Variants in ZC3H7A observed in about 807,000 individuals in gnomAD.
The protein encoded by ZC3H7A is zinc finger CCCH domain-containing protein 7A.
ZC3H7A carries 44 observed loss-of-function variants against 125.5 expected under a neutral mutation model. The ratio of observed to expected loss-of-function variants is 0.35; its 90% CI spans 0.28 to 0.45. The LOEUF is 0.45. Ranked by LOEUF, ZC3H7A falls within the 20% of genes least tolerant of loss-of-function variation. The pLI is 1.00. For synonymous variants in ZC3H7A, 399 were observed against 391.2 expected, an observed-to-expected ratio of 1.02 and a Z score of -0.23; for missense variants, 977 against 1,170.7, an observed-to-expected ratio of 0.83 and a Z score of 2.41.
chr16:11,789,470 T>C (rs1006113101), intron 1 of ZC3H7A, among the ~76,000 whole-genome samples: 1 of 151,992 alleles, frequency 6.6e-6, no homozygotes, highest in African/African-American at 2.4e-5. Context: ...GCCAGGCTGG[T>C]CTTGAACTCC....
chr16:11,783,076 C>G (rs1049085529), intron 1 of ZC3H7A: 1 of 152,104 alleles, frequency 6.6e-6, no homozygotes, highest in African/African-American at 2.4e-5. Context: ...GTCCCTAGAA[C>G]AGTTCCAGCC....
intron 9 of ZC3H7A, 53 bp from the exon 10 acceptor site, chr16:11,771,040 G>C: frequency 6.6e-7 from 1 of 1,523,234 alleles, no homozygotes; most frequent in Non-Finnish European, 8.9e-7. Flanking sequence ...CATGGGTTTG[G>C]CTGAACTACT....
chr16:11,792,797 A>C (rs1225120353), intron 1 of ZC3H7A, among the ~76,000 whole-genome samples: 1 of 152,222 alleles, frequency 6.6e-6, no homozygotes, highest in East Asian at 1.9e-4. Flanking sequence ...TCTTCTGCAC[A>C]TTACGTGCCA....
intron 13 of ZC3H7A, among the ~76,000 whole-genome samples, chr16:11,767,007 GTAA>G (rs146401698): frequency 0.035 from 5,323 of 152,192 alleles, 329 homozygotes; most frequent in African/African-American, 0.12. Context: ...ATAACATAAT[GTAA>G]TAAATTACAT....
chr16:11,762,147 T>A, intron 17 of ZC3H7A, 104 bp from the exon 18 acceptor site: 1 of 1,191,240 alleles, frequency 8.4e-7, no homozygotes, highest in African/African-American at 1.6e-5. Flanking sequence ...AGTATACAAT[T>A]TCCCATTTTT....
chr16:11,768,948 C>T, intron 11 of ZC3H7A, 83 bp downstream of exon 11: 1 of 1,374,068 alleles, frequency 7.3e-7, no homozygotes, highest in South Asian at 1.3e-5. Flanking sequence ...GGGAGACTGT[C>T]ATGTTCATTC....
At chr16:11,778,130 C>G (rs2053113240) in intron 4 of ZC3H7A, among the ~76,000 whole-genome samples, 1 of 150,934 alleles carries the variant, frequency 6.6e-6, no homozygotes, top group Non-Finnish European at 1.5e-5. Context: ...AGACTAATTA[C>G]TATTTCTTGA....
Position 11,765,752 on chromosome 16 carries a change from G to T in ZC3H7A, c.1523-67C>A. 4.7e-6 allele frequency: 7 copies of T among 1,499,666 alleles called. No homozygotes were observed. In the South Asian group the frequency reaches 9.1e-5, roughly 20 times the overall value. 92.9% of individuals were successfully genotyped at this position (1,499,666 alleles called of 1,614,324 possible). A position where few individuals can be genotyped will look rare whatever the true frequency, so the allele number is the denominator to read the frequency against. ...TTGGCCTGTACTCCCAGCTACTTGG[G>T]AGGCTGAGGTGGGAGGATCCCTTGA... On this transcript the variant is annotated intron_variant, in intron 13 of 22. Coordinates refer to ENST00000355758, the MANE Select transcript of ZC3H7A (RefSeq NM_014153.4). This position sits in a 1 kb window ranked among gnomAD's most constrained non-coding sequence, Gnocchi z 4.8.
chr16:11,757,984 A>G (rs2052682251), intron 20 of ZC3H7A, among the ~76,000 whole-genome samples: 1 of 152,214 alleles, frequency 6.6e-6, no homozygotes, highest in Non-Finnish European at 1.5e-5. Context: ...TTTGACCAAA[A>G]TAAACATTCT....
intron 21 of ZC3H7A, among the ~76,000 whole-genome samples, chr16:11,755,445 G>A (rs1347435954): frequency 6.6e-6 from 1 of 152,082 alleles, no homozygotes; most frequent in South Asian, 2.1e-4. Flanking sequence ...ATTTTTAAAA[G>A]AAAACCAAAA....
At chr16:11,782,589 C>T (rs936320781) in intron 1 of ZC3H7A, 10 of 372,388 alleles carry the variant, frequency 2.7e-5, no homozygotes, top group Admixed American at 4.3e-5. Context: ...ATAAGCACAC[C>T]GTTTTCATAT....
chr16:11,785,477 G>T (rs1323492428), intron 1 of ZC3H7A, among the ~76,000 whole-genome samples: 1 of 150,836 alleles, frequency 6.6e-6, no homozygotes, highest in Non-Finnish European at 1.5e-5. Context: ...CTGCACTCCC[G>T]CCTGGGCAAG....
rs1224938376 is a variant in ZC3H7A, at chr16:11,797,192, TGGC to T, written c.-106_-104del. On this transcript the variant is annotated 5_prime_UTR_variant, in exon 1 of 23. Coordinates refer to ENST00000355758, the MANE Select transcript of ZC3H7A (RefSeq NM_014153.4). Reference sequence around the variant, plus strand: ...GCGGGCGGCGGCAGGCGGGCAGCGGTGGCGGCGGCGGCGGCGGGGCCTGGGTGC... The same window carrying T: ...GCGGGCGGCGGCAGGCGGGCAGCGGTGGCGGCGGCGGCGGGGCCTGGGTGC... 6.5e-4 allele frequency: 100 copies of T among 153,876 alleles called. No individual in the cohort carries two copies. The highest frequency in any genetic ancestry group is 1.3e-3 in the East Asian group (7 of 5,336). 9.5% of individuals were successfully genotyped at this position (153,876 alleles called of 1,614,324 possible).
chr16:11,796,742 GC>G (rs2053444674), intron 1 of ZC3H7A: 1 of 152,074 alleles, frequency 6.6e-6, no homozygotes, highest in South Asian at 2.1e-4. Context: ...CATCCTTCCC[GC>G]CCCCAAGCCC....
At chr16:11,776,997 C>G (rs2053091319) in intron 4 of ZC3H7A, 88 bp from the exon 5 acceptor site, 1 of 1,106,914 alleles carries the variant, frequency 9.0e-7, no homozygotes, top group African/African-American at 1.6e-5. Flanking sequence ...CAAATTAATA[C>G]CCCATCCTAT....
At chr16:11,791,200 C>T (rs1421203614) in intron 1 of ZC3H7A, among the ~76,000 whole-genome samples, 1 of 151,810 alleles carries the variant, frequency 6.6e-6, no homozygotes, top group African/African-American at 2.4e-5. Context: ...GCCTTGCCTC[C>T]GTACGGTGAC....
rs139327398 is a variant in ZC3H7A at position 11,774,237 on chromosome 16, A to G, written c.902T>C (p.Met301Thr). The G allele has an allele frequency of 4.3e-4, 670 of 1,576,224 alleles. No homozygotes were observed. Among genetic ancestry groups the G allele is most frequent in the Non-Finnish European group, 5.4e-4 (625 of 1,157,542 alleles). Residue 301 changes from methionine to threonine, a missense_variant and splice_region_variant, in exon 9 of 23, where the codon ATG becomes ACG. Met to Thr is a moderately conservative substitution (Grantham distance 81, BLOSUM62 -1). Transcript: ENST00000355758. ...DSAPETNETV[M>T]PSALVRGPLQ... The stretch of plus-strand genomic sequence containing the variant: ...AACTTGAGTAACACTGAAACTTACC[A>G]TAACAGTTTCATTAGTTTCAGGTGC...
chr16:11,768,561 G>A lies in ZC3H7A; in HGVS notation c.1174-60C>T, dbSNP rs182549184. On this transcript the variant is annotated intron_variant, in intron 11 of 22. Transcript: ENST00000355758. ...AGCCAACAAATATTGCATTATCACTGAAGAAAGGAACTGAATTCATCTGAA... is the reference window on the plus strand; with the variant it reads ...AGCCAACAAATATTGCATTATCACTAAAGAAAGGAACTGAATTCATCTGAA... The A allele has an allele frequency of 1.7e-5, 23 of 1,350,390 alleles. No homozygotes were observed. The Admixed American group carries it at 4.3e-4, about 25-fold the overall frequency. 83.7% of individuals were successfully genotyped at this position (1,350,390 alleles called of 1,614,324 possible). A position where few individuals can be genotyped will look rare whatever the true frequency, so the allele number is the denominator to read the frequency against.
At chr16:11,769,583 C>T (rs527309410) in intron 10 of ZC3H7A, among the ~76,000 whole-genome samples, 3 of 150,874 alleles carry the variant, frequency 2.0e-5, no homozygotes, top group Admixed American at 6.6e-5. Flanking sequence ...TGATGGCAGG[C>T]GCCTGTAATC....
Sources: allele counts gnomAD v4.1 joint callset (sites outside exome capture counted in the v4.1 genomes callset), GRCh38; gene constraint gnomAD v4.1.1; non-coding constraint Gnocchi (gnomAD v3.1); transcripts MANE v1.5; gene names NCBI Gene and HGNC (gene_info 2026-07-23, HGNC 2026-07-21).